The following CCDC7 variants were observed in gnomAD, a reference collection of about 807,000 sequenced individuals.
CCDC7 encodes coiled-coil domain containing 7.
Under a neutral mutation model 196.9 loss-of-function variants are expected in CCDC7, and 183 were observed. The observed-to-expected ratio is 0.93, with a 90% CI of 0.82 to 1.05. The LOEUF is 1.05. Among genes scored for constraint, CCDC7 ranks in the 50% least tolerant of loss-of-function variants. The pLI, the probability that CCDC7 is intolerant of heterozygous loss-of-function variation, is 0.00. For synonymous variants in CCDC7, 525 were observed against 484.6 expected, an observed-to-expected ratio of 1.08 and a Z score of -1.10; for missense variants, 1,540 against 1,482.2, an observed-to-expected ratio of 1.04 and a Z score of -0.64.
At chr10:32,485,971 C>G (rs578219866) in intron 8 of CCDC7, among the ~76,000 whole-genome samples, 1 of 152,238 alleles carries the variant, frequency 6.6e-6, no homozygotes, top group East Asian at 1.9e-4. Context: ...ATTGTATATT[C>G]GGTTGATTTG....
chr10:32,776,351 G>T (rs933635263), intron 28 of CCDC7, among the ~76,000 whole-genome samples: 1 of 151,106 alleles, frequency 6.6e-6, no homozygotes, highest in African/African-American at 2.4e-5. Context: ...TCATGCATTT[G>T]TAGTGGTAAG....
At chr10:32,598,525 C>T (rs983394341) in intron 18 of CCDC7, among the ~76,000 whole-genome samples, 3 of 152,200 alleles carry the variant, frequency 2.0e-5, no homozygotes, top group African/African-American at 4.8e-5. Flanking sequence ...GAGATGAACC[C>T]GGTACCTCAG....
rs190855334 is a variant in CCDC7, at chr10:32,809,776, A to C, written c.3098-4594A>C. ...GAAATAGGAACACTTTTACACTGTTAGTGGGACTGTAAACTAGTTCAACCA... is the reference window on the plus strand; with the variant it reads ...GAAATAGGAACACTTTTACACTGTTCGTGGGACTGTAAACTAGTTCAACCA... On this transcript the variant is annotated intron_variant, in intron 30 of 41. Transcript: ENST00000639629. 3.3e-4 allele frequency among the ~76,000 whole-genome samples: 51 copies of C among 152,286 alleles called. 1 individual carries two copies. The highest frequency in any genetic ancestry group is 3.3e-3 in the Admixed American group (50 of 15,296).
chr10:32,516,334 C>G (rs148118195), intron 9 of CCDC7, among the ~76,000 whole-genome samples: 2,154 of 151,824 alleles, frequency 0.014, 32 homozygotes, highest in Middle Eastern at 0.028. Context: ...GTTGTCCAGG[C>G]TGGAGTGCAG....
chr10:32,471,567 C>T (rs1487690754), intron 6 of CCDC7, among the ~76,000 whole-genome samples: 1 of 152,084 alleles, frequency 6.6e-6, no homozygotes. Context: ...AAACTCTTCT[C>T]TCAGTTTGAT....
chr10:32,868,637 A>G (rs1205299616), intron 41 of CCDC7, among the ~76,000 whole-genome samples: 1 of 152,056 alleles, frequency 6.6e-6, no homozygotes, highest in Non-Finnish European at 1.5e-5. Flanking sequence ...TTACATATGT[A>G]TCCATGTGCC....
intron 13 of CCDC7, among the ~76,000 whole-genome samples, chr10:32,548,470 G>A (rs2052887163): frequency 6.6e-6 from 1 of 152,172 alleles, no homozygotes; most frequent in African/African-American, 2.4e-5. Flanking sequence ...GGTGGAAAAG[G>A]TTGTTTACTG....
chr10:32,678,769 G>C (rs1011696692), intron 21 of CCDC7, among the ~76,000 whole-genome samples: 2 of 152,138 alleles, frequency 1.3e-5, no homozygotes, highest in Non-Finnish European at 2.9e-5. Context: ...GACAGCTTGG[G>C]GAAGGTGTGA....
chr10:32,621,846 G>A (rs1266175585), intron 18 of CCDC7, among the ~76,000 whole-genome samples: 7 of 152,068 alleles, frequency 4.6e-5, no homozygotes, highest in Non-Finnish European at 1.0e-4. Context: ...CATTGGTAAG[G>A]GTGGATCTTC....
At chr10:32,837,924 G>A (rs185193669) in intron 33 of CCDC7, among the ~76,000 whole-genome samples, 22 of 129,784 alleles carry the variant, frequency 1.7e-4, no homozygotes, top group Middle Eastern at 9.2e-3. Flanking sequence ...GGGGCTTGTT[G>A]TGGGGTCGGG....
intron 28 of CCDC7, among the ~76,000 whole-genome samples, chr10:32,734,635 C>T (rs1011808809): frequency 4.6e-5 from 7 of 152,142 alleles, no homozygotes; most frequent in African/African-American, 1.7e-4. Flanking sequence ...TGGCTCATGC[C>T]TGTAATCCTA....
chr10:32,680,084 G>A (rs1297482241), intron 21 of CCDC7, among the ~76,000 whole-genome samples: 2 of 152,184 alleles, frequency 1.3e-5, no homozygotes, highest in Non-Finnish European at 1.5e-5. Context: ...ACACTTAGAT[G>A]TACTGAGTTA....
At chr10:32,456,138 G>A (rs1033323990) in intron 2 of CCDC7, 113 bp from the exon 4 acceptor site, 2 of 950,232 alleles carry the variant, frequency 2.1e-6, no homozygotes, top group South Asian at 7.5e-5. Flanking sequence ...ATGTTTGAAG[G>A]GACATAAATT....
intron 32 of CCDC7, among the ~76,000 whole-genome samples, chr10:32,828,518 A>AGAGGAAGAGGAAGAGGAAGAGGAAGAG (rs1565635137): frequency 1.3e-5 from 2 of 148,618 alleles, no homozygotes; most frequent in African/African-American, 4.9e-5. Flanking sequence ...AAGAAGAAGA[A>AGAGGAAGAGGAAGAGGAAGAGGAAGAG]GAAGAAGAAG....
At chr10:32,875,423 T>G (rs1448508682) in intron 41 of CCDC7, among the ~76,000 whole-genome samples, 1 of 152,080 alleles carries the variant, frequency 6.6e-6, no homozygotes, top group Admixed American at 6.6e-5. Context: ...TTGTCAGGTT[T>G]GTCAAAGATC....
At chr10:32,770,499 T>A (rs2134064860) in intron 28 of CCDC7, among the ~76,000 whole-genome samples, 1 of 152,326 alleles carries the variant, frequency 6.6e-6, no homozygotes, top group Non-Finnish European at 1.5e-5. Context: ...ATTTTGATTT[T>A]ATAAAATTTA....
At chr10:32,859,946 A>G (rs1010693552) in intron 41 of CCDC7, among the ~76,000 whole-genome samples, 10 of 152,212 alleles carry the variant, frequency 6.6e-5, no homozygotes, top group African/African-American at 1.7e-4. Flanking sequence ...AAAAAAGTCC[A>G]GGACCAGACG....
At chr10:32,859,447 A>C (rs954396997) in intron 41 of CCDC7, among the ~76,000 whole-genome samples, 13 of 152,194 alleles carry the variant, frequency 8.5e-5, no homozygotes, top group African/African-American at 2.9e-4. Context: ...ATAGCACTAA[A>C]TGCCCACAAG....
chr10:32,870,995 G>C (rs1453807336), intron 41 of CCDC7, among the ~76,000 whole-genome samples: 1 of 152,148 alleles, frequency 6.6e-6, no homozygotes, highest in African/African-American at 2.4e-5. Context: ...GATTCGGTTT[G>C]CCAGTATTTT....
Sources: allele counts gnomAD v4.1 joint callset (sites outside exome capture counted in the v4.1 genomes callset), GRCh38; gene constraint gnomAD v4.1.1; transcripts MANE v1.5; gene names NCBI Gene and HGNC (gene_info 2026-07-23, HGNC 2026-07-21).